GARIN5B: variants seen among roughly 807,000 people sequenced by gnomAD.
GARIN5B encodes golgi associated RAB2 interactor family member 5B.
the GARIN5B span, chr19:55,358,803 T>C: frequency 1.9e-5 from 30 of 1,548,526 alleles, no homozygotes; most frequent in Non-Finnish European, 2.4e-5. Context: ...GAGAAGGGCC[T>C]GCTGTGCTCC....
chr19:55,358,307 G>A, the GARIN5B span: 18 of 1,548,206 alleles, frequency 1.2e-5, no homozygotes, highest in South Asian at 4.8e-5. Context: ...GGGCTCCTGC[G>A]ACACCCTCTT....
chr19:55,363,016 C>CG, the GARIN5B span: 3 of 1,491,230 alleles, frequency 2.0e-6, no homozygotes, highest in Non-Finnish European at 1.8e-6. The surrounding 1 kb of genome is among the most constrained non-coding windows in gnomAD (Gnocchi z 4.0). Context: ...GGACCCACTT[C>CG]GGGGTGCCCT....
At chr19:55,360,677 C>T in the GARIN5B span, 1,800 of 1,550,642 alleles carry the variant, frequency 1.2e-3, 17 homozygotes, top group African/African-American at 0.022. Context: ...GGCCCTGCCC[C>T]GGGTATAAGG....
the GARIN5B span, chr19:55,358,532 GGCTGCTCCTTCATCTCGCCC>G: frequency 1.3e-4 from 4 of 31,730 alleles, no homozygotes; most frequent in African/African-American, 5.0e-4. Context: ...CTCGCCCCAT[GGCTGCTCCTTCATCTCGCCC>G]CATGGCCGCT....
the GARIN5B span, chr19:55,363,072 C>T: frequency 1.3e-6 from 2 of 1,495,058 alleles, no homozygotes; most frequent in East Asian, 5.2e-5. This position sits in a 1 kb window ranked among gnomAD's most constrained non-coding sequence, Gnocchi z 4.0. Flanking sequence ...ATCATGGTGG[C>T]TGTGGTGGAT....
At chr19:55,355,626 C>T in the GARIN5B span, among the ~76,000 whole-genome samples, 1 of 152,200 alleles carries the variant, frequency 6.6e-6, no homozygotes, top group Admixed American at 6.5e-5. Context: ...CTAAGCTTCT[C>T]TCCCTCCTGC....
the GARIN5B span, chr19:55,360,576 C>T: frequency 7.8e-7 from 1 of 1,287,712 alleles, no homozygotes; most frequent in Non-Finnish European, 1.1e-6. Context: ...ACCCCTCCTC[C>T]CTCAGACCCA....
chr19:55,361,075 G>T, the GARIN5B span: 7 of 1,551,044 alleles, frequency 4.5e-6, no homozygotes, highest in African/African-American at 1.4e-5. Flanking sequence ...GTCGCCCACG[G>T]CCTGAGACTT....
chr19:55,358,315 C>A, the GARIN5B span: 2 of 1,542,490 alleles, frequency 1.3e-6, no homozygotes, highest in Non-Finnish European at 1.7e-6. Flanking sequence ...GCGACACCCT[C>A]TTGGGCTGCT....
At chr19:55,359,147 C>T in the GARIN5B span, 13 of 1,551,198 alleles carry the variant, frequency 8.4e-6, no homozygotes, top group Non-Finnish European at 1.1e-5. Context: ...CAGCACGGCT[C>T]TTCCAGGAAT....
chr19:55,360,379 C>A, the GARIN5B span, among the ~76,000 whole-genome samples: 1 of 143,822 alleles, frequency 7.0e-6, no homozygotes, highest in Non-Finnish European at 1.6e-5. Context: ...GAGTCCAGGC[C>A]CCAGTCTCTC....
chr19:55,356,189 T>C, the GARIN5B span, among the ~76,000 whole-genome samples: 18 of 150,852 alleles, frequency 1.2e-4, no homozygotes, highest in Admixed American at 1.1e-3. Flanking sequence ...CTGGCCAACA[T>C]GGCGAAACCC....
chr19:55,356,637 T>C, the GARIN5B span, among the ~76,000 whole-genome samples: 1 of 152,064 alleles, frequency 6.6e-6, no homozygotes, highest in Admixed American at 6.6e-5. Context: ...GAGGTCTCAC[T>C]CTTTTGCCCA....
the GARIN5B span, chr19:55,362,348 T>C: frequency 9.0e-6 from 14 of 1,550,180 alleles, no homozygotes; most frequent in African/African-American, 1.4e-5. Context: ...CTGAAGCAGG[T>C]TGATGAGGCG....
chr19:55,359,791 G>A, the GARIN5B span: 2 of 1,551,420 alleles, frequency 1.3e-6, no homozygotes, highest in African/African-American at 1.4e-5. Flanking sequence ...CCAGACCGGA[G>A]GCAGCAGACG....
the GARIN5B span, chr19:55,355,100 G>T: frequency 5.1e-6 from 2 of 390,126 alleles, no homozygotes; most frequent in Non-Finnish European, 9.7e-6. Flanking sequence ...CGGGGCCTGT[G>T]GGGTTAAGAG....
the GARIN5B span, chr19:55,359,915 C>G: frequency 6.4e-7 from 1 of 1,551,236 alleles, no homozygotes; most frequent in East Asian, 2.4e-5. Context: ...AGCTGAGACA[C>G]AGTGTGAAGG....
chr19:55,362,439 G>C, the GARIN5B span: 1 of 1,550,242 alleles, frequency 6.5e-7, no homozygotes, highest in Admixed American at 2.0e-5. Context: ...GAGACCAGGC[G>C]CAGCTTCAGG....
chr19:55,361,900 T>C, the GARIN5B span, among the ~76,000 whole-genome samples: 1 of 89,174 alleles, frequency 1.1e-5, no homozygotes, highest in Non-Finnish European at 2.6e-5. Flanking sequence ...GGCCCTTAGC[T>C]CCTCCGTCAG....
Sources: allele counts gnomAD v4.1 joint callset (sites outside exome capture counted in the v4.1 genomes callset), GRCh38; gene constraint gnomAD v4.1.1; non-coding constraint Gnocchi (gnomAD v3.1); transcripts MANE v1.5; gene names NCBI Gene and HGNC (gene_info 2026-07-23, HGNC 2026-07-21).